The following FKBP10 variants were observed in gnomAD, a reference collection of about 807,000 sequenced individuals.
FKBP10 encodes peptidyl-prolyl cis-trans isomerase FKBP10.
FKBP10 carries 34 observed loss-of-function variants against 53.7 expected under a neutral mutation model. The observed-to-expected ratio is 0.63, with a 90% CI of 0.48 to 0.84. The LOEUF is 0.84. FKBP10 is among the 40% of genes least tolerant of loss of function. The probability of loss-of-function intolerance (pLI) is 0.00; values close to 1 mark genes in which losing one functional copy is unlikely to be tolerated. For synonymous variants in FKBP10, 324 were observed against 335.7 expected (o/e 0.97, Z 0.38); for missense variants, 748 against 797.8 (o/e 0.94, Z 0.75).
intron 1 of FKBP10, 102 bp downstream of exon 1, chr17:41,813,381 C>A (rs1291967060): frequency 5.7e-5 from 86 of 1,497,336 alleles, no homozygotes; most frequent in Non-Finnish European, 7.5e-5. Context: ...AATACTCTAA[C>A]CCTAGACAGC....
At chr17:41,821,913 C>A in intron 9 of FKBP10, 96 bp downstream of exon 9, 1 of 1,474,738 alleles carries the variant, frequency 6.8e-7, no homozygotes, top group Non-Finnish European at 9.3e-7. Context: ...ACTGCCCACC[C>A]GCCCTGGTGC....
Position 41,820,311 on chromosome 17 carries a change from A to G in FKBP10, c.1106A>G (p.His369Arg), listed in dbSNP as rs2047874073. The G allele has an allele frequency of 2.5e-6, 4 of 1,614,038 alleles. No homozygotes were observed. In the African/African-American group the frequency reaches 4.0e-5, roughly 16 times the overall value. ...PGSAVLIFNVHVIDFHNPADV... is the reference protein window; with the variant it reads ...PGSAVLIFNVRVIDFHNPADV... ...TCTGCCGTGCTAATCTTCAACGTCC[A>G]TGTCATTGACTTCCACAACCCTGCG... The change falls in exon 7 of 10, where the codon CAT becomes CGT. Residue 369 changes from histidine to arginine, a missense_variant. Transcript: ENST00000321562.
rs34524036 is a variant in FKBP10 at position 41,819,051 on chromosome 17, T to C, written c.728-159T>C. The C allele has an allele frequency of 0.013, 9,576 of 720,964 alleles. 660 individuals are homozygous for C. The African/African-American group carries it at 0.15, about 11-fold the overall frequency. The allele number at this position is 720,964 out of a possible 1,614,324, so 44.7% of individuals were successfully genotyped here. ...GGCCCTGGGGAAAACCCAGCTCAGG[T>C]CTTACTGGAGGAGCAAGAAGCAGGG... On this transcript the variant is annotated intron_variant, in intron 4 of 9. Coordinates refer to ENST00000321562, the MANE Select transcript of FKBP10 (RefSeq NM_021939.4).
rs559832691 is a variant in FKBP10 at position 41,816,049 on chromosome 17, A to G, written c.246-1009A>G. Among the ~76,000 whole-genome samples the G allele has an allele frequency of 2.0e-3, 297 of 150,798 alleles. 1 individual carries two copies. Among genetic ancestry groups the G allele is most frequent in the African/African-American group, 7.0e-3 (289 of 41,266 alleles). On this transcript the variant is annotated intron_variant, in intron 1 of 9. Coordinates refer to ENST00000321562, the MANE Select transcript of FKBP10 (RefSeq NM_021939.4). ...GCTACTTCGGAGGCTGAGGCAGGAG[A>G]ATCGCTTAAACCCGGGAGGTGGAGG...
At position 41,819,628 on chromosome 17, in the gene FKBP10, G is replaced by A. The variant is rs782216438; in HGVS notation, c.1016G>A (p.Arg339Gln). 18 of 1,612,414 alleles carry A rather than the reference G, an allele frequency of 1.1e-5. No homozygotes were observed. The highest frequency in any genetic ancestry group is 8.8e-5 in the South Asian group (8 of 90,806). Residue 339 changes from arginine to glutamine, a missense_variant, in exon 6 of 10, where the codon CGG becomes CAG. Transcript: ENST00000321562. ...CAGGGTGCCTGCATGGGGGAACGCC[G>A]GAGAATTACCATCCCCCCGCACCTC... ...GLQGACMGER[R>Q]RITIPPHLAY...
chr17:41,814,345 T>C (rs1355457262), intron 1 of FKBP10, among the ~76,000 whole-genome samples: 1 of 152,168 alleles, frequency 6.6e-6, no homozygotes, highest in African/African-American at 2.4e-5. Context: ...ATCACTTTCC[T>C]TATCTGAAAA....
rs115563553 is a variant in FKBP10, at chr17:41,816,559, A to G, written c.246-499A>G. ...CAAATTTTAGAACTCAGCTGACTAC[A>G]TATTAGCTGTGTGACCTTGGGCAAG... is the stretch of plus-strand genomic sequence containing the variant. On this transcript the variant is annotated intron_variant, in intron 1 of 9. Transcript: ENST00000321562. Among the ~76,000 whole-genome samples, 770 of 152,242 alleles carry G rather than the reference A, an allele frequency of 5.1e-3. 6 individuals carry two copies. Among genetic ancestry groups the G allele is most frequent in the African/African-American group, 0.018 (735 of 41,530 alleles).
chr17:41,822,249 G>A lies in FKBP10; in HGVS notation c.1590G>A (p.Val530=), dbSNP rs781785443. The change falls in exon 10 of 10, where the codon GTG becomes GTA. Residue 530 remains valine, a synonymous_variant. Coordinates refer to ENST00000321562, the MANE Select transcript of FKBP10 (RefSeq NM_021939.4). The part of the protein sequence containing the change: ...EEFSTFIKAQ[V]SEGKGRLMPG... ...TCTCCACCTTCATCAAGGCTCAAGT[G>A]AGTGAGGGCAAAGGACGCCTCATGC... 4 of 1,613,630 alleles carry A rather than the reference G, an allele frequency of 2.5e-6. No homozygotes were observed. The South Asian group carries it at 4.4e-5, about 18-fold the overall frequency.
chr17:41,816,922 T>G, intron 1 of FKBP10, 136 bp from the exon 2 acceptor site: 2 of 1,264,576 alleles, frequency 1.6e-6, no homozygotes, highest in Non-Finnish European at 2.3e-6. Context: ...GTGAGAAGTG[T>G]GTGTGCGTAT....
chr17:41,819,057 TG>T, intron 4 of FKBP10, 152 bp from the exon 5 acceptor site: 1 of 760,650 alleles, frequency 1.3e-6, no homozygotes, highest in Non-Finnish European at 2.2e-6. Context: ...CAGGTCTTAC[TG>T]GAGGAGCAAG....
intron 7 of FKBP10, 124 bp from the exon 8 acceptor site, chr17:41,820,823 C>A: frequency 7.2e-7 from 1 of 1,383,314 alleles, no homozygotes; most frequent in Non-Finnish European, 9.8e-7. Flanking sequence ...TGCTGCGTGG[C>A]CCAAGTCACC....
chr17:41,821,958 T>C, intron 9 of FKBP10, 141 bp downstream of exon 9: 1 of 1,072,076 alleles, frequency 9.3e-7, no homozygotes, highest in Non-Finnish European at 1.4e-6. Context: ...CTCAGGCTCC[T>C]TGTCCCTGCT....
In FKBP10 at chr17:41,813,025, T is replaced by G. The variant is rs782166587; in HGVS notation, c.-10T>G. ...CGCCCTCACTGCCGGCGGTCCCAACTCCAGGCACCATGTTCCCCGCGGGCC... is the reference window on the plus strand; with the variant it reads ...CGCCCTCACTGCCGGCGGTCCCAACGCCAGGCACCATGTTCCCCGCGGGCC... On this transcript the variant is annotated 5_prime_UTR_variant, in exon 1 of 10. Coordinates refer to ENST00000321562, the MANE Select transcript of FKBP10 (RefSeq NM_021939.4). The G allele has an allele frequency of 3.1e-6, 5 of 1,609,384 alleles. No individual in the cohort carries two copies. The African/African-American group carries it at 6.7e-5, about 22-fold the overall frequency.
intron 7 of FKBP10, 50 bp from the exon 8 acceptor site, chr17:41,820,897 G>T: frequency 6.3e-7 from 1 of 1,596,072 alleles, no homozygotes. Context: ...AGGGGTGTGC[G>T]CTGGCAGGGG....
intron 9 of FKBP10, 66 bp from the exon 10 acceptor site, chr17:41,822,156 CG>C: frequency 6.7e-7 from 1 of 1,500,816 alleles, no homozygotes; most frequent in Admixed American, 1.8e-5. Flanking sequence ...GGCCTCCACC[CG>C]GGGCCCCTGC....
chr17:41,815,064 C>T (rs1262755579), intron 1 of FKBP10, among the ~76,000 whole-genome samples: 2 of 151,990 alleles, frequency 1.3e-5, no homozygotes, highest in Non-Finnish European at 2.9e-5. Context: ...ATTACAGGTG[C>T]ACACCACCAC....
At chr17:41,821,584 GA>G in intron 8 of FKBP10, 69 bp from the exon 9 acceptor site, 2 of 1,584,778 alleles carry the variant, frequency 1.3e-6, no homozygotes, top group Non-Finnish European at 8.6e-7. Flanking sequence ...TGTGGGCTGG[GA>G]AACAGTGAAG....
chr17:41,819,839 A>T, intron 6 of FKBP10, 164 bp downstream of exon 6: 1 of 1,538,138 alleles, frequency 6.5e-7, no homozygotes, highest in Non-Finnish European at 8.8e-7. Context: ...CCTGCCACAC[A>T]GACTCCATCG....
chr17:41,822,587 G>C lies in FKBP10; in HGVS notation c.*179G>C. 1 of 696,014 alleles carries C rather than the reference G, an allele frequency of 1.4e-6. No homozygotes were observed. Among genetic ancestry groups the C allele is most frequent in the Non-Finnish European group, 2.5e-6 (1 of 402,220 alleles). The allele number at this position is 696,014 out of a possible 1,614,324, so 43.1% of individuals were successfully genotyped here. ...CCACCACCCTAGATGAAAATCCACA[G>C]CACAGACCTCTACCGTGTTTCTCTT... On this transcript the variant is annotated 3_prime_UTR_variant, in exon 10 of 10. Coordinates refer to ENST00000321562, the MANE Select transcript of FKBP10 (RefSeq NM_021939.4).
Sources: gnomAD v4.1 joint callset for allele counts (sites outside exome capture counted in the v4.1 genomes callset) on GRCh38, gnomAD v4.1.1 for gene constraint, MANE v1.5 for transcripts, NCBI Gene and HGNC (gene_info 2026-07-23, HGNC 2026-07-21) for gene names.